TRPM3: variants seen among roughly 807,000 people sequenced by gnomAD.
The protein encoded by TRPM3 is long transient receptor potential channel 3.
A neutral mutation model predicts 181.2 loss-of-function variants in TRPM3; 77 were observed. That is an observed-to-expected ratio of 0.42 (90% CI 0.35 to 0.51). The LOEUF (loss-of-function observed/expected upper bound fraction) is 0.51, where lower values mean the gene tolerates loss of function less well. TRPM3 is among the 20% of genes least tolerant of loss of function. The probability of loss-of-function intolerance (pLI) is 0.01; values close to 1 mark genes in which losing one functional copy is unlikely to be tolerated. For synonymous variants in TRPM3, 745 were observed against 796.4 expected (o/e 0.94, Z 1.09); for missense variants, 1,759 against 2,196.7 (o/e 0.80, Z 3.98).
intron 14 of TRPM3, among the ~76,000 whole-genome samples, chr9:70,623,365 CAAA>C (rs34432876): frequency 1.2e-3 from 131 of 112,786 alleles, no homozygotes; most frequent in African/African-American, 3.3e-3. Context: ...GACTGCGTCT[CAAA>C]AAAAAAAAAA....
chr9:70,830,575 C>T (rs958454168), intron 5 of TRPM3, among the ~76,000 whole-genome samples: 1 of 152,096 alleles, frequency 6.6e-6, no homozygotes, highest in African/African-American at 2.4e-5. Context: ...GAGAGTTTGT[C>T]TGCTGAATAA....
upstream of TRPM3, among the ~76,000 whole-genome samples, chr9:71,122,019 G>A (rs575952126): frequency 3.9e-4 from 60 of 152,328 alleles, no homozygotes; most frequent in African/African-American, 1.4e-3. Flanking sequence ...CAGACACTGA[G>A]ACAGAAGCAA....
intron 1 of TRPM3, among the ~76,000 whole-genome samples, chr9:71,091,853 T>C (rs2066278410): frequency 6.6e-6 from 1 of 152,132 alleles, no homozygotes; most frequent in Non-Finnish European, 1.5e-5. Flanking sequence ...AAGGCAGCTT[T>C]GACTATTGTG....
At chr9:71,416,964 A>AT (rs986552713) in intron 1 of TRPM3, among the ~76,000 whole-genome samples, 4 of 151,990 alleles carry the variant, frequency 2.6e-5, no homozygotes, top group African/African-American at 9.7e-5. Context: ...TACTCAGCAT[A>AT]TTTTTAAGAT....
chr9:71,007,039 C>CAAAAAAAAAAAAAAAAAAAAAAAAAAAA (rs59442017), intron 1 of TRPM3, among the ~76,000 whole-genome samples: 2 of 27,980 alleles, frequency 7.1e-5, no homozygotes, highest in African/African-American at 1.5e-4. Flanking sequence ...AACTCCATCT[C>CAAAAAAAAAAAAAAAAAAAAAAAAAAAA]AAAAAAAAAA....
Position 70,553,249 on chromosome 9 carries a change from C to T in TRPM3, c.3285G>A (p.Lys1095=). The change falls in exon 23 of 26, where the codon AAG becomes AAA. Residue 1095 remains lysine (K), a synonymous_variant. Coordinates refer to ENST00000677713, the MANE Select transcript of TRPM3 (RefSeq NM_001366145.2). ...DGKIIQLPPC[K]TGAWIVPAIM... is the part of the protein sequence containing the mutation. The stretch of plus-strand genomic sequence containing the variant: ...TGGCCGGCACGATCCAAGCTCCTGT[C>T]TTGCAGGGAGGCAGCTGGATTATTT... The T allele has an allele frequency of 6.2e-7, 1 of 1,614,128 alleles. No individual in the cohort carries two copies. The highest frequency in any genetic ancestry group is 8.5e-7 in the Non-Finnish European group (1 of 1,180,034).
intron 8 of TRPM3, among the ~76,000 whole-genome samples, chr9:70,744,924 T>C (rs1223250703): frequency 6.6e-6 from 1 of 152,184 alleles, no homozygotes; most frequent in East Asian, 1.9e-4. Context: ...AAGTACAAAG[T>C]TGCTACTAAC....
chr9:70,548,032 C>T (rs886752976), intron 25 of TRPM3, among the ~76,000 whole-genome samples: 1 of 152,120 alleles, frequency 6.6e-6, no homozygotes, highest in Non-Finnish European at 1.5e-5. Context: ...TTTTTCCCTA[C>T]CTCTCTTTCC....
chr9:71,165,924 G>A (rs1190064816), intron 1 of TRPM3, among the ~76,000 whole-genome samples: 1 of 152,152 alleles, frequency 6.6e-6, no homozygotes, highest in Non-Finnish European at 1.5e-5. Context: ...AGATAGAGTT[G>A]TCTGACAGCA....
At position 70,536,481 on chromosome 9, in the gene TRPM3, A is replaced by G; in HGVS notation, c.4632T>C (p.Tyr1544=). The G allele has an allele frequency of 6.2e-7, 1 of 1,614,184 alleles. No individual in the cohort carries two copies. The change falls in exon 26 of 26, where the codon TAT becomes TAC. Residue 1544 remains tyrosine, a synonymous_variant. Transcript: ENST00000677713. ...SFMFSPSRSY[Y]ANFGVPVKTA... ...TTTTTACAGGCACCCCAAAGTTGGC[A>G]TAATAGCTCCTTGAGGGGGAAAACA...
chr9:71,411,237 T>C (rs2093543000), intron 1 of TRPM3, among the ~76,000 whole-genome samples: 1 of 152,240 alleles, frequency 6.6e-6, no homozygotes, highest in Non-Finnish European at 1.5e-5. Flanking sequence ...AACACAGTGT[T>C]GGAAGTTCTG....
intron 1 of TRPM3, among the ~76,000 whole-genome samples, chr9:71,269,824 A>C (rs969574151): frequency 2.0e-5 from 3 of 152,220 alleles, no homozygotes; most frequent in Non-Finnish European, 4.4e-5. Flanking sequence ...ATGATGGCAG[A>C]ATAGGAGGTC....
At chr9:70,823,304 C>T (rs1015038593) in intron 6 of TRPM3, among the ~76,000 whole-genome samples, 6 of 152,210 alleles carry the variant, frequency 3.9e-5, no homozygotes, top group Admixed American at 1.3e-4. Flanking sequence ...CTAATCTCTA[C>T]GTACTATAGC....
intron 1 of TRPM3, among the ~76,000 whole-genome samples, chr9:70,893,436 T>C (rs2096240431): frequency 6.6e-6 from 1 of 152,194 alleles, no homozygotes; most frequent in African/African-American, 2.4e-5. Flanking sequence ...AGAAGCTCTT[T>C]ATAAATGATA....
intron 9 of TRPM3, among the ~76,000 whole-genome samples, chr9:70,663,253 G>C (rs111833574): frequency 1.3e-5 from 2 of 152,088 alleles, no homozygotes; most frequent in African/African-American, 2.4e-5. Context: ...GGTTGGGAGT[G>C]GGGTGAGGGA....
chr9:71,000,629 T>C (rs1009244066), intron 1 of TRPM3, among the ~76,000 whole-genome samples: 1 of 152,208 alleles, frequency 6.6e-6, no homozygotes, highest in Non-Finnish European at 1.5e-5. Context: ...GAAACACAGT[T>C]CACTGGTTAA....
chr9:70,572,114 T>TGTGTGTGTG (rs2052579313), intron 22 of TRPM3, among the ~76,000 whole-genome samples: 5 of 149,862 alleles, frequency 3.3e-5, no homozygotes, highest in African/African-American at 1.2e-4. Flanking sequence ...TCCCAGTTAC[T>TGTGTGTGTG]TGTGTGTGTG....
chr9:71,264,470 G>A (rs948075902), intron 1 of TRPM3, among the ~76,000 whole-genome samples: 15 of 151,922 alleles, frequency 9.9e-5, no homozygotes, highest in Middle Eastern at 3.2e-3. Flanking sequence ...CTCAGTAAGC[G>A]ATCCAAAAAA....
At chr9:71,287,636 A>T (rs1384978178) in intron 1 of TRPM3, among the ~76,000 whole-genome samples, 1 of 140,422 alleles carries the variant, frequency 7.1e-6, no homozygotes, top group African/African-American at 2.7e-5. Flanking sequence ...TCATTTACTC[A>T]GAAAAAAAAA....
Sources: gnomAD v4.1 joint callset for allele counts (sites outside exome capture counted in the v4.1 genomes callset) on GRCh38, gnomAD v4.1.1 for gene constraint, MANE v1.5 for transcripts, NCBI Gene and HGNC (gene_info 2026-07-23, HGNC 2026-07-21) for gene names.